The following TMEM272 variants were observed in gnomAD, a reference collection of about 807,000 sequenced individuals.
TMEM272 encodes the protein transmembrane protein 272.
In TMEM272, 8 loss-of-function variants were observed where a neutral mutation model predicts 3.7. The ratio of observed to expected loss-of-function variants is 2.17; its 90% confidence interval spans 1.27 to 3.91. The LOEUF (loss-of-function observed/expected upper bound fraction) is 3.91, where lower values mean the gene tolerates loss of function less well. TMEM272 is among the 30% of genes most tolerant of loss of function. TMEM272 has a pLI of 0.00. For missense variants in TMEM272, 166 were observed against 91.5 expected (o/e 1.81, Z -3.32); for synonymous variants, 63 against 39.8 (o/e 1.58, Z -2.20).
At position 51,814,122 on chromosome 13, in the gene TMEM272, C is replaced by T. The variant is rs1955994009; in HGVS notation, c.*2629G>A. ...TTCTTCTATAACCAGGAACTTCTTA[C>T]ACTCACCTCCAGCTCAGTGAAATTA... On this transcript the variant is annotated 3_prime_UTR_variant, in exon 5 of 5. Transcript: ENST00000629372. 6.6e-6 allele frequency: 1 copy of T among 152,296 alleles called. No homozygotes were observed. Among genetic ancestry groups the T allele is most frequent in the Admixed American group, 6.5e-5 (1 of 15,276 alleles). 9.4% of individuals were successfully genotyped at this position (152,296 alleles called of 1,614,324 possible).
the TMEM272 span, among the ~76,000 whole-genome samples, chr13:51,886,979 G>A: frequency 6.6e-6 from 1 of 152,142 alleles, no homozygotes; most frequent in Non-Finnish European, 1.5e-5. Context: ...GTCCATAACT[G>A]TTATATCAGA....
At chr13:51,871,074 C>T in the TMEM272 span, among the ~76,000 whole-genome samples, 3,044 of 152,174 alleles carry the variant, frequency 0.02, 129 homozygotes, top group African/African-American at 0.07. Flanking sequence ...GCCAACCTCC[C>T]AGATGACTCC....
In TMEM272 at chr13:51,816,448, C is replaced by A; in HGVS notation, c.*303G>T. The A allele has an allele frequency of 3.8e-6, 1 of 266,334 alleles. No individual in the cohort carries two copies. The allele number at this position is 266,334 out of a possible 1,614,324, so 16.5% of individuals were successfully genotyped here. ...TTTGAAAAGGTCTCCCATTCTTTGCCTCCCACACTTCATACCCTCAAAAAC... is the reference window on the plus strand; with the variant it reads ...TTTGAAAAGGTCTCCCATTCTTTGCATCCCACACTTCATACCCTCAAAAAC... On this transcript the variant is annotated 3_prime_UTR_variant, in exon 5 of 5. Coordinates refer to ENST00000629372, the MANE Select transcript of TMEM272 (RefSeq NM_001351003.2).
chr13:51,880,757 C>G, the TMEM272 span, among the ~76,000 whole-genome samples: 3 of 152,154 alleles, frequency 2.0e-5, no homozygotes, highest in African/African-American at 4.8e-5. Context: ...ATGGGTGCCA[C>G]AAGAAAACCA....
chr13:51,851,917 C>T, the TMEM272 span, among the ~76,000 whole-genome samples: 1 of 152,334 alleles, frequency 6.6e-6, no homozygotes, highest in Admixed American at 6.5e-5. Context: ...TGAGTTACTT[C>T]CAATCTTTTG....
chr13:51,837,146 G>A (rs960716469), intron 2 of TMEM272, among the ~76,000 whole-genome samples: 1 of 152,176 alleles, frequency 6.6e-6, no homozygotes, highest in Non-Finnish European at 1.5e-5. Flanking sequence ...GCCAAGGTTG[G>A]CCTAGACCTT....
the TMEM272 span, among the ~76,000 whole-genome samples, chr13:51,860,754 CACACACACACACTTTGTATACA>C: frequency 1.9e-5 from 1 of 52,706 alleles, no homozygotes; most frequent in African/African-American, 5.5e-5. Context: ...TATATATATA[CACACACACACACTTTGTATACA>C]TATACTTTTA....
At chr13:51,865,832 G>A in the TMEM272 span, 258 of 1,614,188 alleles carry the variant, frequency 1.6e-4, no homozygotes, top group Admixed American at 3.7e-4. Context: ...CCTTCTTCAG[G>A]AGGACAAGGC....
chr13:51,826,459 G>A (rs769935033), intron 3 of TMEM272, 107 bp downstream of exon 3: 78 of 663,300 alleles, frequency 1.2e-4, no homozygotes, highest in Middle Eastern at 3.0e-4. Context: ...TCATCGGGCT[G>A]GCCAGTTCTT....
chr13:51,887,691 C>A, the TMEM272 span, among the ~76,000 whole-genome samples: 1 of 152,144 alleles, frequency 6.6e-6, no homozygotes, highest in African/African-American at 2.4e-5. Context: ...TTTGTTTCCA[C>A]GACCAGACCA....
At chr13:51,832,455 C>A (rs1379859385) in intron 2 of TMEM272, among the ~76,000 whole-genome samples, 1 of 152,294 alleles carries the variant, frequency 6.6e-6, no homozygotes, top group East Asian at 1.9e-4. Flanking sequence ...TTTTTCTCTG[C>A]AACACCATCC....
chr13:51,872,563 A>G, the TMEM272 span, among the ~76,000 whole-genome samples: 19 of 152,378 alleles, frequency 1.2e-4, no homozygotes, highest in African/African-American at 4.6e-4. Context: ...ATGAGTGCCC[A>G]GAAGAGTGGA....
chr13:51,927,108 T>C, the TMEM272 span, among the ~76,000 whole-genome samples: 1 of 152,106 alleles, frequency 6.6e-6, no homozygotes, highest in African/African-American at 2.4e-5. Context: ...AAGTAATACA[T>C]GTTAACATTT....
chr13:51,906,628 T>C, the TMEM272 span, among the ~76,000 whole-genome samples: 1 of 152,196 alleles, frequency 6.6e-6, no homozygotes, highest in Non-Finnish European at 1.5e-5. Context: ...TAACTCCTGA[T>C]AAGAAAATAA....
chr13:51,830,498 C>T (rs982708469), intron 2 of TMEM272, among the ~76,000 whole-genome samples: 2 of 152,192 alleles, frequency 1.3e-5, no homozygotes, highest in Non-Finnish European at 1.5e-5. Flanking sequence ...GGCACGATTA[C>T]AAGACTTTCC....
At chr13:51,832,387 A>AT (rs1375685709) in intron 2 of TMEM272, among the ~76,000 whole-genome samples, 1 of 152,180 alleles carries the variant, frequency 6.6e-6, no homozygotes, top group Non-Finnish European at 1.5e-5. Flanking sequence ...GCAAGTATTA[A>AT]TATATCCCCA....
At chr13:51,855,644 A>C in the TMEM272 span, among the ~76,000 whole-genome samples, 1 of 152,186 alleles carries the variant, frequency 6.6e-6, no homozygotes, top group Non-Finnish European at 1.5e-5. Flanking sequence ...AAAATTAAAG[A>C]CTGAATAGAA....
the TMEM272 span, among the ~76,000 whole-genome samples, chr13:51,914,811 C>A: frequency 6.6e-6 from 1 of 152,218 alleles, no homozygotes; most frequent in Non-Finnish European, 1.5e-5. Flanking sequence ...TCCAGGGGCA[C>A]ATGTTAGAGT....
At chr13:51,878,245 A>G in the TMEM272 span, among the ~76,000 whole-genome samples, 1 of 152,160 alleles carries the variant, frequency 6.6e-6, no homozygotes, top group East Asian at 1.9e-4. Context: ...CCTGGCTAAC[A>G]TGGTGAAACC....
Sources: gnomAD v4.1 joint callset for allele counts (sites outside exome capture counted in the v4.1 genomes callset) on GRCh38, gnomAD v4.1.1 for gene constraint, MANE v1.5 for transcripts, NCBI Gene and HGNC (gene_info 2026-07-23, HGNC 2026-07-21) for gene names.